The following CNTNAP5 variants were observed in gnomAD, a reference collection of about 807,000 sequenced individuals.
CNTNAP5 encodes contactin associated protein family member 5.
Under a neutral mutation model 150.2 loss-of-function variants are expected in CNTNAP5, and 72 were observed. The ratio of observed to expected loss-of-function variants is 0.48; its 90% CI spans 0.40 to 0.58. The LOEUF (loss-of-function observed/expected upper bound fraction) is 0.58. Ranked by LOEUF, CNTNAP5 falls within the 20% of genes least tolerant of loss-of-function variation. CNTNAP5 has a pLI of 0.00. For missense variants in CNTNAP5, 1,636 were observed against 1,626.2 expected (o/e 1.01, Z -0.10); for synonymous variants, 672 against 619.8 (o/e 1.08, Z -1.25).
chr2:124,566,726 TCTAA>T (rs1164122895), intron 11 of CNTNAP5, among the ~76,000 whole-genome samples: 1 of 152,168 alleles, frequency 6.6e-6, no homozygotes, highest in African/African-American at 2.4e-5. Context: ...TTGTCCTCCC[TCTAA>T]CTAATTTCCC....
chr2:124,743,746 G>A (rs759878761), intron 13 of CNTNAP5, among the ~76,000 whole-genome samples: 4 of 152,150 alleles, frequency 2.6e-5, no homozygotes, highest in Non-Finnish European at 5.9e-5. Flanking sequence ...TCAAGAACCT[G>A]ATCAATTAAG....
chr2:124,466,576 C>T (rs1376767275), intron 6 of CNTNAP5, among the ~76,000 whole-genome samples: 1 of 152,120 alleles, frequency 6.6e-6, no homozygotes, highest in Non-Finnish European at 1.5e-5. Context: ...TTGTACCAAA[C>T]AATTGGAATT....
At chr2:124,152,681 C>A (rs1168645836) in intron 1 of CNTNAP5, among the ~76,000 whole-genome samples, 1 of 151,976 alleles carries the variant, frequency 6.6e-6, no homozygotes, top group Non-Finnish European at 1.5e-5. Context: ...GGAGGGCATT[C>A]CAAGCAAGGC....
At chr2:124,487,441 G>A (rs1244323259) in intron 7 of CNTNAP5, among the ~76,000 whole-genome samples, 1 of 152,088 alleles carries the variant, frequency 6.6e-6, no homozygotes, top group Non-Finnish European at 1.5e-5. Flanking sequence ...GTGAAGGTAT[G>A]CTCTGAAACC....
chr2:124,419,375 T>G (rs942437336), intron 4 of CNTNAP5, among the ~76,000 whole-genome samples: 23 of 152,302 alleles, frequency 1.5e-4, no homozygotes, highest in African/African-American at 2.4e-4. Flanking sequence ...AATCACAGGC[T>G]GCAGGGTTGA....
At chr2:124,315,599 G>T (rs897628818) in intron 3 of CNTNAP5, among the ~76,000 whole-genome samples, 2 of 151,920 alleles carry the variant, frequency 1.3e-5, no homozygotes, top group Admixed American at 6.6e-5. Context: ...ACGTTTTGCT[G>T]CTTTTAAAAA....
chr2:124,568,156 T>C (rs6713794), intron 11 of CNTNAP5, among the ~76,000 whole-genome samples: 149,277 of 152,308 alleles, frequency 0.98, 73,237 homozygotes, highest in East Asian at 1. Flanking sequence ...TCATGACCTC[T>C]TTTATATTGC....
chr2:124,715,181 C>T (rs1024201832), intron 13 of CNTNAP5, among the ~76,000 whole-genome samples: 1 of 152,132 alleles, frequency 6.6e-6, no homozygotes, highest in African/African-American at 2.4e-5. Context: ...GGGCACCAAG[C>T]CTTCTGCTTC....
chr2:124,661,996 C>T (rs1462646535), intron 13 of CNTNAP5, among the ~76,000 whole-genome samples: 2 of 152,086 alleles, frequency 1.3e-5, no homozygotes, highest in African/African-American at 4.8e-5. Context: ...TGCTATCCCT[C>T]CCCTTGTCTC....
At chr2:124,659,371 T>G (rs140474129) in intron 13 of CNTNAP5, among the ~76,000 whole-genome samples, 78 of 152,284 alleles carry the variant, frequency 5.1e-4, no homozygotes, top group African/African-American at 1.7e-3. Flanking sequence ...TGAAGCTTCC[T>G]AAAACTGGTA....
intron 7 of CNTNAP5, among the ~76,000 whole-genome samples, chr2:124,493,678 A>G (rs1479094543): frequency 6.6e-6 from 1 of 152,012 alleles, no homozygotes. Flanking sequence ...CATTGAAGAT[A>G]ATTACACACA....
chr2:124,747,409 G>C lies in CNTNAP5; in HGVS notation c.2234+24G>C. On this transcript the variant is annotated intron_variant, in intron 14 of 23. Transcript: ENST00000682447. ...TGGTAATGAGAATCTCCATCTTTCT[G>C]CAATTGTAGAGAAAGCACATTAATT... 4.3e-6 allele frequency: 7 copies of C among 1,612,964 alleles called. No homozygotes were observed. In the Admixed American group the frequency reaches 8.3e-5, roughly 19 times the overall value.
chr2:124,368,838 A>G (rs1048759450), intron 3 of CNTNAP5, among the ~76,000 whole-genome samples: 3 of 152,156 alleles, frequency 2.0e-5, no homozygotes, highest in African/African-American at 7.2e-5. Flanking sequence ...TAGGCATAAG[A>G]TATCTCTGAA....
chr2:124,357,402 A>G (rs1307754722), intron 3 of CNTNAP5, among the ~76,000 whole-genome samples: 1 of 151,910 alleles, frequency 6.6e-6, no homozygotes, highest in Non-Finnish European at 1.5e-5. Flanking sequence ...CCTGAATGGT[A>G]ATGCCTAGGT....
chr2:124,374,715 A>T (rs1479739313), intron 3 of CNTNAP5, among the ~76,000 whole-genome samples: 1 of 152,112 alleles, frequency 6.6e-6, no homozygotes. Context: ...GACCACACCT[A>T]GTGGCAAAAT....
chr2:124,065,439 C>A (rs13398376), intron 1 of CNTNAP5, among the ~76,000 whole-genome samples: 1,425 of 141,670 alleles, frequency 0.01, 27 homozygotes, highest in African/African-American at 0.034. Flanking sequence ...TTAATGTATT[C>A]TGTGGGTATA....
intron 11 of CNTNAP5, among the ~76,000 whole-genome samples, chr2:124,563,934 C>T (rs1224478602): frequency 2.0e-5 from 3 of 152,204 alleles, no homozygotes; most frequent in Non-Finnish European, 2.9e-5. Context: ...AATAAAGCCA[C>T]GTGGGCACAC....
At chr2:124,265,839 A>AG (rs1687591488) in intron 3 of CNTNAP5, among the ~76,000 whole-genome samples, 1 of 151,672 alleles carries the variant, frequency 6.6e-6, no homozygotes, top group Non-Finnish European at 1.5e-5. Context: ...GAGAATGGTA[A>AG]AAAAAAACAG....
chr2:124,899,487 A>G (rs1678373103), intron 21 of CNTNAP5, among the ~76,000 whole-genome samples: 1 of 151,686 alleles, frequency 6.6e-6, no homozygotes, highest in African/African-American at 2.4e-5. Flanking sequence ...AGTGACAGAA[A>G]CTAAGTCAAT....
Sources: gnomAD v4.1 joint callset for allele counts (sites outside exome capture counted in the v4.1 genomes callset) on GRCh38, gnomAD v4.1.1 for gene constraint, MANE v1.5 for transcripts, NCBI Gene and HGNC (gene_info 2026-07-23, HGNC 2026-07-21) for gene names.